The following SLC25A13 variants were observed in gnomAD, a reference collection of about 807,000 sequenced individuals.
SLC25A13 encodes the protein solute carrier family 25 member 13.
SLC25A13 carries 70 observed loss-of-function variants against 85.5 expected under a neutral mutation model. The ratio of observed to expected loss-of-function variants is 0.82; its 90% CI spans 0.68 to 1.00. SLC25A13 has a LOEUF of 1.00. SLC25A13 is among the 50% of genes least tolerant of loss of function. The probability of loss-of-function intolerance (pLI) is 0.00; values close to 1 mark genes in which losing one functional copy is unlikely to be tolerated. For synonymous variants in SLC25A13, 259 were observed against 288.7 expected, an observed-to-expected ratio of 0.90 and a Z score of 1.04; for missense variants, 765 against 819.8, an observed-to-expected ratio of 0.93 and a Z score of 0.82.
At chr7:96,201,238 G>A (rs923850047) in intron 5 of SLC25A13, among the ~76,000 whole-genome samples, 17 of 152,076 alleles carry the variant, frequency 1.1e-4, no homozygotes, top group African/African-American at 2.9e-4. Flanking sequence ...GGCTGGGCAC[G>A]GTGGCTCATG....
intron 1 of SLC25A13, among the ~76,000 whole-genome samples, chr7:96,320,048 A>G (rs527247080): frequency 1.3e-5 from 2 of 152,334 alleles, no homozygotes; most frequent in African/African-American, 4.8e-5. Context: ...TCTGTTGCCC[A>G]GACTGGAGTG....
At chr7:96,284,039 A>G (rs1798794437) in intron 2 of SLC25A13, among the ~76,000 whole-genome samples, 1 of 152,126 alleles carries the variant, frequency 6.6e-6, no homozygotes, top group Non-Finnish European at 1.5e-5. Flanking sequence ...TATTTATGAC[A>G]TATTTGTACT....
chr7:96,171,731 A>G (rs528999533), intron 11 of SLC25A13, among the ~76,000 whole-genome samples: 13 of 152,206 alleles, frequency 8.5e-5, no homozygotes, highest in Non-Finnish European at 1.9e-4. Flanking sequence ...TCCATCTCAC[A>G]TTCTGGATCG....
At chr7:96,225,137 C>T (rs949254143) in intron 4 of SLC25A13, among the ~76,000 whole-genome samples, 4 of 151,968 alleles carry the variant, frequency 2.6e-5, no homozygotes, top group Admixed American at 6.6e-5. Context: ...TATGTAAAAC[C>T]ACATATCTTG....
At chr7:96,143,694 A>G (rs1014908951) in intron 14 of SLC25A13, among the ~76,000 whole-genome samples, 2 of 152,242 alleles carry the variant, frequency 1.3e-5, no homozygotes, top group African/African-American at 4.8e-5. Flanking sequence ...TAAAACAAGT[A>G]TTCTAATTGC....
intron 5 of SLC25A13, among the ~76,000 whole-genome samples, chr7:96,198,257 G>C (rs1348896757): frequency 6.6e-6 from 1 of 152,154 alleles, no homozygotes; most frequent in African/African-American, 2.4e-5. Context: ...TACTGTGCAG[G>C]GTTGTAAAAA....
intron 3 of SLC25A13, among the ~76,000 whole-genome samples, chr7:96,265,307 T>A (rs571357511): frequency 1.3e-5 from 2 of 152,290 alleles, no homozygotes; most frequent in East Asian, 3.9e-4. Context: ...GTTAGGAAAC[T>A]TCATTAAACT....
At chr7:96,317,511 T>C (rs1282757233) in intron 1 of SLC25A13, among the ~76,000 whole-genome samples, 4 of 152,172 alleles carry the variant, frequency 2.6e-5, no homozygotes, top group South Asian at 2.1e-4. Context: ...GTTAACTAAA[T>C]GTAGCCTGTG....
At chr7:96,317,103 T>A (rs1800157575) in intron 1 of SLC25A13, among the ~76,000 whole-genome samples, 1 of 152,160 alleles carries the variant, frequency 6.6e-6, no homozygotes, top group African/African-American at 2.4e-5. Flanking sequence ...CCCGAGCAGC[T>A]GAGATTACAA....
In SLC25A13 at chr7:96,131,814, A is replaced by G. The variant is rs1792043240; in HGVS notation, c.1520T>C (p.Val507Ala). 6.2e-7 allele frequency: 1 copy of G among 1,614,042 alleles called. No individual in the cohort carries two copies. Among genetic ancestry groups the G allele is most frequent in the African/African-American group, 1.3e-5 (1 of 74,920 alleles). Residue 507 changes from valine to alanine, a missense_variant, in exon 15 of 18, where the codon GTG becomes GCG. By Grantham distance (64) the Val-to-Ala change is moderately conservative. Coordinates refer to ENST00000265631, the MANE Select transcript of SLC25A13 (RefSeq NM_014251.3). ...ATCTTCATTTGCAAAGGAAGCCTTC[A>G]CATGAGCATAGCACGGAAAGTAGAT... ...SAIYFPCYAH[V>A]KASFANEDGQ...
intron 11 of SLC25A13, among the ~76,000 whole-genome samples, chr7:96,183,431 A>C (rs887053791): frequency 1.1e-4 from 16 of 152,168 alleles, no homozygotes; most frequent in Non-Finnish European, 2.2e-4. Flanking sequence ...TTCTTCATCT[A>C]GAGAGAGCAT....
At chr7:96,290,025 C>T (rs555016695) in intron 2 of SLC25A13, among the ~76,000 whole-genome samples, 2 of 152,270 alleles carry the variant, frequency 1.3e-5, no homozygotes, top group Admixed American at 1.3e-4. Flanking sequence ...GGTCGGGTTA[C>T]CCACAAAGGG....
chr7:96,285,307 C>T (rs1798844872), intron 2 of SLC25A13, among the ~76,000 whole-genome samples: 1 of 152,178 alleles, frequency 6.6e-6, no homozygotes, highest in Non-Finnish European at 1.5e-5. Context: ...TCACACCCAT[C>T]TCCTCGTCAA....
chr7:96,196,269 A>G (rs1795058981), intron 5 of SLC25A13, among the ~76,000 whole-genome samples: 1 of 152,340 alleles, frequency 6.6e-6, no homozygotes, highest in Non-Finnish European at 1.5e-5. Context: ...TACCAGACCC[A>G]TTGCTAAAGC....
At chr7:96,220,095 T>A (rs372496581) in intron 4 of SLC25A13, among the ~76,000 whole-genome samples, 4 of 152,306 alleles carry the variant, frequency 2.6e-5, no homozygotes, top group African/African-American at 9.6e-5. Context: ...GCTTTAATCA[T>A]CTGCTGTGTG....
chr7:96,122,011 A>G lies in SLC25A13; in HGVS notation c.1592-14T>C, dbSNP rs769402424. On this transcript the variant is annotated splice_polypyrimidine_tract_variant and intron_variant, in intron 15 of 17. Coordinates refer to ENST00000265631, the MANE Select transcript of SLC25A13 (RefSeq NM_014251.3). ...CTGCAGGCATACCTGCAGGAGAGAC[A>G]CAACACCATCTCAGTCTGGTCACAT... The G allele has an allele frequency of 3.1e-6, 5 of 1,614,156 alleles. No individual in the cohort carries two copies. The highest frequency in any genetic ancestry group is 4.2e-6 in the Non-Finnish European group (5 of 1,179,996).
Position 96,292,633 on chromosome 7 carries a change from T to C in SLC25A13, c.69+4265A>G, listed in dbSNP as rs565174967. ...AATCACAAGCATTCTTATACACCAA[T>C]AACAGACAAACAGAGAGCCAAATCA... is the stretch of plus-strand genomic sequence containing the variant. On this transcript the variant is annotated intron_variant, in intron 2 of 17. Coordinates refer to ENST00000265631, the MANE Select transcript of SLC25A13 (RefSeq NM_014251.3). Among the ~76,000 whole-genome samples the C allele has an allele frequency of 5.0e-4, 76 of 152,126 alleles. No individual in the cohort carries two copies. The South Asian group carries it at 0.015, about 30-fold the overall frequency.
chr7:96,291,605 G>A (rs960064835), intron 2 of SLC25A13, among the ~76,000 whole-genome samples: 13 of 152,086 alleles, frequency 8.5e-5, no homozygotes, highest in South Asian at 2.1e-4. Flanking sequence ...TATCTCCACC[G>A]ATCCCACAGA....
intron 1 of SLC25A13, among the ~76,000 whole-genome samples, chr7:96,312,321 T>G (rs1799979962): frequency 1.3e-5 from 2 of 152,190 alleles, no homozygotes. Context: ...TGTCATAGGA[T>G]TGTTATGAAG....
Sources: allele counts gnomAD v4.1 joint callset (sites outside exome capture counted in the v4.1 genomes callset), GRCh38; gene constraint gnomAD v4.1.1; transcripts MANE v1.5; gene names NCBI Gene and HGNC (gene_info 2026-07-23, HGNC 2026-07-21).